RABGAP1L: variants seen among roughly 807,000 people sequenced by gnomAD.
The protein encoded by RABGAP1L is RAB GTPase activating protein 1 like.
A neutral mutation model predicts 137.7 loss-of-function variants in RABGAP1L; 63 were observed. The observed-to-expected ratio is 0.46, with a 90% CI of 0.37 to 0.56. The LOEUF (loss-of-function observed/expected upper bound fraction) is 0.56, where lower values mean the gene tolerates loss of function less well. Among genes scored for constraint, RABGAP1L ranks in the 20% least tolerant of loss-of-function variants. The pLI, the probability that RABGAP1L is intolerant of heterozygous loss-of-function variation, is 0.00. For missense variants in RABGAP1L, 1,095 were observed against 1,244.0 expected, an observed-to-expected ratio of 0.88 and a Z score of 1.80; for synonymous variants, 431 against 433.7, an observed-to-expected ratio of 0.99 and a Z score of 0.08.
In RABGAP1L at chr1:174,894,731, G is replaced by T. The variant is rs1656840994; in HGVS notation, c.2341-62726G>T. ...CTAGAACCAAGTTGGGTTTTTTGTT[G>T]TTTTTGTTTGTTTGTTTTGTTTTGT... On this transcript the variant is annotated intron_variant, in intron 19 of 25. Coordinates refer to ENST00000681986, the MANE Select transcript of RABGAP1L (RefSeq NM_001366446.1). 4.5e-5 allele frequency among the ~76,000 whole-genome samples: 6 copies of T among 134,396 alleles called. No individual in the cohort carries two copies. The South Asian group carries it at 1.3e-3, about 29-fold the overall frequency. The allele number at this position is 134,396 out of a possible 152,430, so 88.2% of individuals were successfully genotyped here. A position where few individuals can be genotyped will look rare whatever the true frequency, so the allele number is the denominator to read the frequency against.
intron 19 of RABGAP1L, among the ~76,000 whole-genome samples, chr1:174,950,524 G>A (rs183746541): frequency 6.6e-6 from 1 of 152,226 alleles, no homozygotes; most frequent in African/African-American, 2.4e-5. Flanking sequence ...CTTCTCGAGT[G>A]CATTATACTA....
chr1:174,196,881 A>C (rs930407581), intron 1 of RABGAP1L, among the ~76,000 whole-genome samples: 3 of 152,084 alleles, frequency 2.0e-5, no homozygotes, highest in Admixed American at 6.6e-5. Flanking sequence ...TCTTCTGCTC[A>C]TTTTTATAAG....
At chr1:174,814,598 A>G (rs1233288606) in intron 19 of RABGAP1L, among the ~76,000 whole-genome samples, 1 of 152,222 alleles carries the variant, frequency 6.6e-6, no homozygotes, top group Non-Finnish European at 1.5e-5. Context: ...TTTTATGTCA[A>G]GACCATGACT....
intron 24 of RABGAP1L, among the ~76,000 whole-genome samples, chr1:174,984,354 G>A (rs190071370): frequency 1.2e-3 from 179 of 152,292 alleles, no homozygotes; most frequent in African/African-American, 4.1e-3. Context: ...CTGCCATTTT[G>A]TTATAGAAAT....
intron 17 of RABGAP1L, among the ~76,000 whole-genome samples, chr1:174,704,155 G>A (rs1472725241): frequency 6.6e-6 from 1 of 150,948 alleles, no homozygotes; most frequent in Non-Finnish European, 1.5e-5. Flanking sequence ...ACAACACCAT[G>A]CCCAGCTAAT....
At chr1:174,855,333 C>CTGG (rs908998500) in intron 19 of RABGAP1L, among the ~76,000 whole-genome samples, 3 of 152,162 alleles carry the variant, frequency 2.0e-5, no homozygotes, top group Non-Finnish European at 4.4e-5. Context: ...CTGAAAGACA[C>CTGG]TGGAGGAAGC....
Position 174,188,374 on chromosome 1 carries a change from A to G in RABGAP1L, c.-34+28717A>G, listed in dbSNP as rs4652236. Among the ~76,000 whole-genome samples, 475 of 152,326 alleles carry G rather than the reference A, an allele frequency of 3.1e-3. 3 individuals carry two copies. Among genetic ancestry groups the G allele is most frequent in the African/African-American group, 0.01 (428 of 41,568 alleles). On this transcript the variant is annotated intron_variant, in intron 1 of 25. Coordinates refer to ENST00000681986, the MANE Select transcript of RABGAP1L (RefSeq NM_001366446.1). ...CATAAAATAAGTATTATCAGCTGGT[A>G]TGTTTCTTATACTTTTCTGGGAATA... is the stretch of plus-strand genomic sequence containing the variant.
intron 13 of RABGAP1L, among the ~76,000 whole-genome samples, chr1:174,427,163 T>TGC (rs1652061823): frequency 6.6e-6 from 1 of 151,772 alleles, no homozygotes; most frequent in African/African-American, 2.4e-5. Context: ...TGTGTGTGTG[T>TGC]GTGTGTGTGT....
At chr1:174,169,225 G>GT (rs372991047) in intron 1 of RABGAP1L, among the ~76,000 whole-genome samples, 197 of 145,008 alleles carry the variant, frequency 1.4e-3, no homozygotes, top group Middle Eastern at 7.2e-3. Context: ...ATATAAAGGT[G>GT]TTTTTTTTTT....
chr1:174,431,366 G>C (rs1050714074), intron 13 of RABGAP1L, among the ~76,000 whole-genome samples: 1 of 152,122 alleles, frequency 6.6e-6, no homozygotes, highest in Non-Finnish European at 1.5e-5. Context: ...GGAAAAGATC[G>C]TGATTAATGG....
At chr1:174,717,563 G>T (rs570651401) in intron 17 of RABGAP1L, among the ~76,000 whole-genome samples, 7 of 152,272 alleles carry the variant, frequency 4.6e-5, no homozygotes, top group Admixed American at 4.6e-4. Flanking sequence ...CTGAAAAACA[G>T]CTTAAAATAA....
chr1:174,322,115 T>C (rs1042001645), intron 11 of RABGAP1L, among the ~76,000 whole-genome samples: 3 of 152,220 alleles, frequency 2.0e-5, no homozygotes, highest in Non-Finnish European at 4.4e-5. Context: ...TCTTTTCCTT[T>C]ATGATTTATA....
In RABGAP1L at chr1:174,542,926, A is replaced by G. The variant is rs190542588; in HGVS notation, c.1711-94449A>G. On this transcript the variant is annotated intron_variant, in intron 13 of 25. Coordinates refer to ENST00000681986, the MANE Select transcript of RABGAP1L (RefSeq NM_001366446.1). ...GCTTTGAGTGAGTTTCTTAATCCTGAGTTCTAGTTTGATTGCACTGTGGTC... is the reference window on the plus strand; with the variant it reads ...GCTTTGAGTGAGTTTCTTAATCCTGGGTTCTAGTTTGATTGCACTGTGGTC... 5.9e-5 allele frequency among the ~76,000 whole-genome samples: 9 copies of G among 152,256 alleles called. No individual in the cohort carries two copies. The East Asian group carries it at 1.7e-3, about 29-fold the overall frequency.
intron 11 of RABGAP1L, among the ~76,000 whole-genome samples, chr1:174,324,133 A>T (rs1421150047): frequency 6.6e-6 from 1 of 152,062 alleles, no homozygotes; most frequent in Admixed American, 6.6e-5. Flanking sequence ...ATTTTTTTTT[A>T]GTCTTAGTAA....
intron 13 of RABGAP1L, among the ~76,000 whole-genome samples, chr1:174,522,312 T>TC (rs1663477181): frequency 6.6e-6 from 1 of 152,132 alleles, no homozygotes; most frequent in Non-Finnish European, 1.5e-5. Flanking sequence ...ACACAGTGAC[T>TC]CAAACCTGTA....
intron 11 of RABGAP1L, among the ~76,000 whole-genome samples, chr1:174,350,393 C>T (rs1429242142): frequency 3.4e-4 from 30 of 88,084 alleles, no homozygotes; most frequent in South Asian, 3.2e-3. Flanking sequence ...CGGGCAGAGA[C>T]GCTCCTCACC....
intron 13 of RABGAP1L, among the ~76,000 whole-genome samples, chr1:174,566,539 T>G (rs2148034701): frequency 6.6e-6 from 1 of 152,320 alleles, no homozygotes; most frequent in African/African-American, 2.4e-5. Context: ...CAGTGTATAC[T>G]TACAGAGTGA....
rs371358091 is a variant in RABGAP1L at position 174,784,180 on chromosome 1, C to T, written c.2212-27652C>T. Among the ~76,000 whole-genome samples the T allele has an allele frequency of 5.2e-4, 79 of 151,632 alleles. 1 individual carries two copies. In the South Asian group the frequency reaches 0.01, roughly 19 times the overall value. On this transcript the variant is annotated intron_variant, in intron 18 of 25. Transcript: ENST00000681986. Reference sequence around the variant, plus strand: ...GACTACAGGCACCCGCCATCACGCCCGGCCAATTTTTTGTATTTTTAGTAG... The same window carrying T: ...GACTACAGGCACCCGCCATCACGCCTGGCCAATTTTTTGTATTTTTAGTAG...
intron 19 of RABGAP1L, among the ~76,000 whole-genome samples, chr1:174,814,564 A>G (rs1690185923): frequency 2.0e-5 from 3 of 152,208 alleles, no homozygotes; most frequent in African/African-American, 7.2e-5. Context: ...ATTGTTTTTA[A>G]ACCAAGACCT....
Sources: allele counts gnomAD v4.1 joint callset (sites outside exome capture counted in the v4.1 genomes callset), GRCh38; gene constraint gnomAD v4.1.1; transcripts MANE v1.5; gene names NCBI Gene and HGNC (gene_info 2026-07-23, HGNC 2026-07-21).